ZCWPW2: variants seen among roughly 807,000 people sequenced by gnomAD.
The protein encoded by ZCWPW2 is zinc finger CW-type PWWP domain protein 2.
In ZCWPW2, 45 loss-of-function variants were observed where a neutral mutation model predicts 46.6. That is an observed-to-expected ratio of 0.96 (90% CI 0.76 to 1.24). ZCWPW2 has a LOEUF of 1.24. Among genes scored for constraint, ZCWPW2 ranks in the 50% most tolerant of loss-of-function variants. The pLI is 0.00. For missense variants in ZCWPW2, 429 were observed against 403.9 expected (o/e 1.06, Z -0.53); for synonymous variants, 152 against 137.1 (o/e 1.11, Z -0.76).
chr3:28,391,419 C>T (rs1162835841), intron 2 of ZCWPW2, among the ~76,000 whole-genome samples: 1 of 151,674 alleles, frequency 6.6e-6, no homozygotes, highest in African/African-American at 2.4e-5. Context: ...AGACAGCCAC[C>T]CATGAATGAA....
At chr3:28,362,189 C>T (rs1376119994) in intron 1 of ZCWPW2, among the ~76,000 whole-genome samples, 1 of 152,040 alleles carries the variant, frequency 6.6e-6, no homozygotes, top group East Asian at 1.9e-4. Context: ...ATCCTTCAGC[C>T]TTAAAAAAGT....
intron 2 of ZCWPW2, among the ~76,000 whole-genome samples, chr3:28,404,317 A>G (rs1379097993): frequency 6.7e-6 from 1 of 148,726 alleles, no homozygotes; most frequent in Non-Finnish European, 1.5e-5. Flanking sequence ...GCAAATCAAA[A>G]CCACAATGCG....
chr3:28,437,442 A>G (rs1000549454), intron 4 of ZCWPW2, among the ~76,000 whole-genome samples: 1 of 152,212 alleles, frequency 6.6e-6, no homozygotes, highest in African/African-American at 2.4e-5. Context: ...CCTGCATTAT[A>G]TGCATTTAAA....
chr3:28,353,091 C>T (rs544199934), intron 1 of ZCWPW2, among the ~76,000 whole-genome samples: 13 of 151,610 alleles, frequency 8.6e-5, no homozygotes, highest in Admixed American at 2.6e-4. Flanking sequence ...GGCTCAGGCA[C>T]GAGAATTGCT....
chr3:28,355,415 C>T (rs1438428097), intron 1 of ZCWPW2, among the ~76,000 whole-genome samples: 2 of 152,194 alleles, frequency 1.3e-5, no homozygotes, highest in African/African-American at 4.8e-5. Flanking sequence ...GTGAAAATGG[C>T]CATACTGCCC....
intron 1 of ZCWPW2, among the ~76,000 whole-genome samples, chr3:28,382,004 A>T (rs1240253543): frequency 6.6e-6 from 1 of 151,900 alleles, no homozygotes; most frequent in Non-Finnish European, 1.5e-5. Flanking sequence ...CTCTACTAAA[A>T]ATACAAAATT....
intron 3 of ZCWPW2, among the ~76,000 whole-genome samples, chr3:28,422,206 T>C (rs553833899): frequency 1.8e-4 from 27 of 152,234 alleles, no homozygotes; most frequent in African/African-American, 6.3e-4. Flanking sequence ...CATTCACTTA[T>C]CATTATCAAT....
At chr3:28,424,087 A>G (rs1037242734) in intron 3 of ZCWPW2, among the ~76,000 whole-genome samples, 2 of 151,916 alleles carry the variant, frequency 1.3e-5, no homozygotes, top group Non-Finnish European at 2.9e-5. Context: ...ATTCCTTACT[A>G]TTTTACATTG....
At chr3:28,359,358 A>G (rs1704852837) in intron 1 of ZCWPW2, among the ~76,000 whole-genome samples, 1 of 152,120 alleles carries the variant, frequency 6.6e-6, no homozygotes, top group Admixed American at 6.5e-5. Flanking sequence ...GGTACAAAAC[A>G]CAGTATAAAG....
intron 1 of ZCWPW2, among the ~76,000 whole-genome samples, chr3:28,361,699 AT>A (rs1374390264): frequency 6.6e-6 from 1 of 152,182 alleles, no homozygotes; most frequent in Admixed American, 6.5e-5. Flanking sequence ...AAAAAACCTG[AT>A]TAAAAATGGC....
chr3:28,405,714 T>C lies in ZCWPW2; in HGVS notation c.-13-7342T>C, dbSNP rs147511237. ...TGGTCTCTAACTCCTGACCGTGTGA[T>C]CTGCCTGCCTCAGCCTCCCAAAGTG... On this transcript the variant is annotated intron_variant, in intron 2 of 9. Coordinates refer to ENST00000383768, the MANE Select transcript of ZCWPW2 (RefSeq NM_001040432.4). 6.9e-3 allele frequency among the ~76,000 whole-genome samples: 1,045 copies of C among 152,244 alleles called. 10 individuals are homozygous for C. The highest frequency in any genetic ancestry group is 0.023 in the African/African-American group (948 of 41,550).
intron 1 of ZCWPW2, among the ~76,000 whole-genome samples, chr3:28,358,152 G>A (rs1193910576): frequency 6.6e-6 from 1 of 151,860 alleles, no homozygotes; most frequent in Non-Finnish European, 1.5e-5. Context: ...TATTGCAATA[G>A]TTTTCGTTTA....
chr3:28,466,264 C>T (rs983695970), intron 4 of ZCWPW2, among the ~76,000 whole-genome samples: 3 of 152,096 alleles, frequency 2.0e-5, no homozygotes, highest in African/African-American at 7.2e-5. Context: ...ATGAAATAAT[C>T]TGTACACCAA....
At chr3:28,424,228 AACACAC>A (rs55725925) in intron 3 of ZCWPW2, among the ~76,000 whole-genome samples, 3,379 of 138,900 alleles carry the variant, frequency 0.024, 66 homozygotes, top group South Asian at 0.074. Context: ...GTCTTATTCC[AACACAC>A]ACACACACAC....
At chr3:28,505,382 A>G (rs1700248674) in intron 6 of ZCWPW2, among the ~76,000 whole-genome samples, 1 of 152,186 alleles carries the variant, frequency 6.6e-6, no homozygotes, top group African/African-American at 2.4e-5. Flanking sequence ...AGACTGGAGC[A>G]TGTAGCAATT....
chr3:28,380,975 GTA>G lies in ZCWPW2; in HGVS notation c.-133-9503_-133-9502del, dbSNP rs373040439. Among the ~76,000 whole-genome samples the G allele has an allele frequency of 9.2e-3, 62 of 6,728 alleles. 10 individuals carry two copies. The highest frequency in any genetic ancestry group is 0.059 in the South Asian group (8 of 136). 4.4% of individuals were successfully genotyped at this position (6,728 alleles called of 152,430 possible). ...ATATATATATATATATATATATTTG[GTA>G]TATATATATATATATATATTTGGTA... is the stretch of plus-strand genomic sequence containing the variant. On this transcript the variant is annotated intron_variant, in intron 1 of 9. Transcript: ENST00000383768.
At chr3:28,403,647 C>G (rs577288103) in intron 2 of ZCWPW2, among the ~76,000 whole-genome samples, 1 of 152,236 alleles carries the variant, frequency 6.6e-6, no homozygotes, top group South Asian at 2.1e-4. Context: ...TCAAACTATA[C>G]TATAAGGCCA....
At chr3:28,480,579 G>T (rs1699392076) in intron 5 of ZCWPW2, among the ~76,000 whole-genome samples, 2 of 152,038 alleles carry the variant, frequency 1.3e-5, no homozygotes, top group South Asian at 4.1e-4. Context: ...GTGCTCTTTG[G>T]TTTAATTAGA....
At chr3:28,484,481 T>G (rs556176225) in intron 5 of ZCWPW2, among the ~76,000 whole-genome samples, 2 of 152,330 alleles carry the variant, frequency 1.3e-5, no homozygotes, top group South Asian at 4.1e-4. Context: ...TCAGATTGCC[T>G]GTTTCTTTTT....
Sources: allele counts gnomAD v4.1 joint callset (sites outside exome capture counted in the v4.1 genomes callset), GRCh38; gene constraint gnomAD v4.1.1; transcripts MANE v1.5; gene names NCBI Gene and HGNC (gene_info 2026-07-23, HGNC 2026-07-21).